XDH: variants seen among roughly 807,000 people sequenced by gnomAD.
XDH encodes the protein xanthine dehydrogenase/oxidase.
XDH carries 138 observed loss-of-function variants against 156.1 expected under a neutral mutation model. That is an observed-to-expected ratio of 0.88 (90% confidence interval 0.77 to 1.02). XDH has a LOEUF of 1.02. Ranked by LOEUF, XDH falls within the 50% of genes least tolerant of loss-of-function variation. XDH has a pLI of 0.00. For synonymous variants in XDH, 669 were observed against 625.7 expected (o/e 1.07, Z -1.03); for missense variants, 1,849 against 1,684.9 (o/e 1.10, Z -1.71).
intron 35 of XDH, among the ~76,000 whole-genome samples, chr2:31,336,513 G>A (rs1684973831): frequency 6.6e-6 from 1 of 152,000 alleles, no homozygotes; most frequent in African/African-American, 2.4e-5. Context: ...AAATGGGTTT[G>A]GGTGATTGTC....
At chr2:31,412,502 G>T (rs1330853479) in intron 1 of XDH, among the ~76,000 whole-genome samples, 1 of 152,102 alleles carries the variant, frequency 6.6e-6, no homozygotes. Context: ...GGAGAGGGGA[G>T]GGATAGCATT....
rs1686144460 is a variant in XDH, at chr2:31,373,759, A to AGTTT, written c.1686+110_1686+113dup. 1.8e-5 allele frequency: 17 copies of AGTTT among 969,040 alleles called. No homozygotes were observed. In the South Asian group the frequency reaches 2.4e-4, roughly 13 times the overall value. The allele number at this position is 969,040 out of a possible 1,614,324, so 60.0% of individuals were successfully genotyped here. On this transcript the variant is annotated intron_variant, in intron 16 of 35. Transcript: ENST00000379416. ...TGGGTATTTACGCACAAGAGTAAGG[A>AGTTT]GTTTTATGGACCTATATACAATTCA...
rs1572507596 is a variant in XDH, at chr2:31,339,620, A to G, written c.3643T>C (p.Ser1215Pro). 1 of 1,613,980 alleles carries G rather than the reference A, an allele frequency of 6.2e-7. No individual in the cohort carries two copies. Among genetic ancestry groups the G allele is most frequent in the Admixed American group, 1.7e-5 (1 of 59,996 alleles). Residue 1215 changes from serine (S) to proline (P), a missense_variant, in exon 34 of 36, where the codon TCC becomes CCC. By Grantham distance (74) the Ser-to-Pro change is moderately conservative. Transcript: ENST00000379416. ...CGGGTGTGCAGGCTCCCCTCGGGGG[A>G]ATAGTGTAGCTCCTCTAGGGTGAAG... ...GLFTLEELHY[S>P]PEGSLHTRGP...
intron 8 of XDH, among the ~76,000 whole-genome samples, chr2:31,387,302 TAG>T (rs1686637585): frequency 6.6e-6 from 1 of 152,142 alleles, no homozygotes; most frequent in South Asian, 2.1e-4. Flanking sequence ...CCATAAATAT[TAG>T]AGTGATGGTG....
At chr2:31,382,477 G>A (rs909841435) in intron 11 of XDH, among the ~76,000 whole-genome samples, 2 of 152,132 alleles carry the variant, frequency 1.3e-5, no homozygotes, top group Admixed American at 6.5e-5. Context: ...TAGGGTGTTC[G>A]AATGCCACCA....
chr2:31,339,422 T>C (rs1685060346), intron 34 of XDH, 67 bp downstream of exon 34: 2 of 1,607,888 alleles, frequency 1.2e-6, no homozygotes, highest in African/African-American at 1.3e-5. Flanking sequence ...CTGAGGCCTC[T>C]CATCACCCGC....
chr2:31,382,895 G>A lies in XDH; in HGVS notation c.1038+106C>T, dbSNP rs879032222. ...CTGCTCCTCCCAGGCAACTCTAAGC[G>A]CTAAAGTTTGAGGCCCACTGCACTG... On this transcript the variant is annotated intron_variant, in intron 11 of 35. Coordinates refer to ENST00000379416, the MANE Select transcript of XDH (RefSeq NM_000379.4). The A allele has an allele frequency of 1.5e-4, 223 of 1,537,602 alleles. 1 individual carries two copies. The highest frequency in any genetic ancestry group is 2.3e-4 in the Middle Eastern group (1 of 4,440).
Position 31,366,954 on chromosome 2 carries a change from C to T in XDH, c.2238G>A (p.Glu746=), listed in dbSNP as rs763651302. 6.2e-7 allele frequency: 1 copy of T among 1,614,118 alleles called. No homozygotes were observed. Among genetic ancestry groups the T allele is most frequent in the Admixed American group, 1.7e-5 (1 of 60,028 alleles). Residue 746 remains glutamate (E), a synonymous_variant, in exon 21 of 36, where the codon GAG becomes GAA. Transcript: ENST00000379416. ...TTGGAACAGCAATGGTGCAGTGAGT[C>T]TCCAGGTAGAAGTGCTCTTGGCCAC... ...YIGGQEHFYL[E]THCTIAVPKG...
chr2:31,372,886 T>C (rs1207078911), intron 16 of XDH, among the ~76,000 whole-genome samples: 1 of 152,184 alleles, frequency 6.6e-6, no homozygotes, highest in Non-Finnish European at 1.5e-5. Context: ...AATATAATAA[T>C]AATTTGCTCT....
chr2:31,336,046 G>A (rs750482732), intron 35 of XDH, 38 bp from the exon 36 acceptor site: 62 of 1,606,666 alleles, frequency 3.9e-5, no homozygotes, highest in Non-Finnish European at 5.1e-5. Context: ...GCCAGGGTCT[G>A]CTGATCATGC....
At chr2:31,375,884 C>T (rs565945031) in intron 14 of XDH, among the ~76,000 whole-genome samples, 14 of 152,306 alleles carry the variant, frequency 9.2e-5, no homozygotes, top group African/African-American at 2.9e-4. Flanking sequence ...AAAATTCCTA[C>T]ACCCATTTAC....
intron 2 of XDH, among the ~76,000 whole-genome samples, chr2:31,404,541 C>T (rs560014935): frequency 1.1e-4 from 16 of 152,288 alleles, no homozygotes; most frequent in Admixed American, 8.5e-4. Context: ...CAGCCAATTG[C>T]TGATAAGGAA....
chr2:31,355,899 A>T (rs949974015), intron 24 of XDH, among the ~76,000 whole-genome samples: 1 of 152,214 alleles, frequency 6.6e-6, no homozygotes, highest in Non-Finnish European at 1.5e-5. Flanking sequence ...ATAATAATGT[A>T]GGCAAGTTGA....
At chr2:31,392,744 CT>C (rs1360459482) in intron 6 of XDH, among the ~76,000 whole-genome samples, 7 of 152,116 alleles carry the variant, frequency 4.6e-5, no homozygotes, top group Admixed American at 6.6e-5. Flanking sequence ...TTTAATCTTC[CT>C]TTCTAATATA....
chr2:31,402,257 AT>A (rs1292812626), intron 3 of XDH, among the ~76,000 whole-genome samples: 1 of 152,244 alleles, frequency 6.6e-6, no homozygotes, highest in Non-Finnish European at 1.5e-5. Flanking sequence ...AAGTAAGGCA[AT>A]TGTATAATTG....
At chr2:31,347,797 T>A (rs2148754749) in intron 28 of XDH, 147 bp from the exon 29 acceptor site, 2 of 1,138,304 alleles carry the variant, frequency 1.8e-6, no homozygotes, top group Middle Eastern at 5.8e-4. Flanking sequence ...TGTCCTTACA[T>A]CTGGCTGAAT....
In XDH at chr2:31,383,019, C is replaced by T. The variant is rs1423237314; in HGVS notation, c.1020G>A (p.Lys340=). ...VLEQLRWFAG[K]QVKSVASVGG... is the part of the protein sequence containing the mutation. ...GACTCACCGCCACAGACTTGACTTGCTTCCCAGCAAACCAGCGCAGCTGCT... is the reference window on the plus strand; with the variant it reads ...GACTCACCGCCACAGACTTGACTTGTTTCCCAGCAAACCAGCGCAGCTGCT... Residue 340 remains lysine, a synonymous_variant, in exon 11 of 36, where the codon AAG becomes AAA. Transcript: ENST00000379416. 6.2e-7 allele frequency: 1 copy of T among 1,614,194 alleles called. No homozygotes were observed. The highest frequency in any genetic ancestry group is 1.3e-5 in the African/African-American group (1 of 75,054).
chr2:31,388,322 A>G (rs1383742796), intron 6 of XDH, 27 bp from the exon 7 acceptor site: 1 of 1,611,058 alleles, frequency 6.2e-7, no homozygotes, highest in Non-Finnish European at 8.5e-7. Flanking sequence ...CATCTGCACA[A>G]GGGTATTTAC....
In XDH at chr2:31,390,272, G is replaced by A. The variant is rs1334378096; in HGVS notation, c.496-1977C>T. Among the ~76,000 whole-genome samples, 3 of 152,162 alleles carry A rather than the reference G, an allele frequency of 2.0e-5. No individual in the cohort carries two copies. In the East Asian group the frequency reaches 5.8e-4, roughly 29 times the overall value. On this transcript the variant is annotated intron_variant, in intron 6 of 35. Coordinates refer to ENST00000379416, the MANE Select transcript of XDH (RefSeq NM_000379.4). ...TCATAGAATAGATATCATACAATAT[G>A]TAGCTTCTAAAGATTGATTTCTTTC...
Sources: gnomAD v4.1 joint callset for allele counts (sites outside exome capture counted in the v4.1 genomes callset) on GRCh38, gnomAD v4.1.1 for gene constraint, MANE v1.5 for transcripts, NCBI Gene and HGNC (gene_info 2026-07-23, HGNC 2026-07-21) for gene names.